ADAMTSL1: variants seen among roughly 807,000 people sequenced by gnomAD.
ADAMTSL1 encodes the protein ADAMTS like 1, also known as ADAMTS-like protein 1.
Under a neutral mutation model 201.8 loss-of-function variants are expected in ADAMTSL1, and 126 were observed. That is an observed-to-expected ratio of 0.62 (90% CI 0.54 to 0.72). The LOEUF (loss-of-function observed/expected upper bound fraction) is 0.72. Among genes scored for constraint, ADAMTSL1 ranks in the 30% least tolerant of loss-of-function variants. The pLI is 0.00. For missense variants in ADAMTSL1, 2,679 were observed against 2,277.8 expected, an observed-to-expected ratio of 1.18 and a Z score of -3.59; for synonymous variants, 1,121 against 903.4, an observed-to-expected ratio of 1.24 and a Z score of -4.32.
upstream of ADAMTSL1, among the ~76,000 whole-genome samples, chr9:18,472,973 C>A (rs559073914): frequency 6.6e-6 from 1 of 152,324 alleles, no homozygotes; most frequent in South Asian, 2.1e-4. Context: ...AGAGTCAAAT[C>A]TCCCTTGCTG....
chr9:18,591,377 T>A (rs997328341), intron 4 of ADAMTSL1, among the ~76,000 whole-genome samples: 4 of 152,234 alleles, frequency 2.6e-5, no homozygotes, highest in African/African-American at 9.6e-5. Flanking sequence ...GAGTATCTTT[T>A]CCCATCCCTT....
intron 7 of ADAMTSL1, among the ~76,000 whole-genome samples, chr9:18,641,359 A>G (rs553969276): frequency 2.0e-5 from 3 of 152,192 alleles, no homozygotes; most frequent in African/African-American, 7.2e-5. Flanking sequence ...ACTGCTGGAT[A>G]AATAAAGAAT....
chr9:18,241,306 A>G (rs565299283), intron 2 of ADAMTSL1, among the ~76,000 whole-genome samples: 1 of 152,160 alleles, frequency 6.6e-6, no homozygotes, highest in South Asian at 2.1e-4. Context: ...TTCAACGTTC[A>G]ATTATTCTTC....
chr9:18,732,150 A>G (rs1035859652), intron 15 of ADAMTSL1, among the ~76,000 whole-genome samples: 3 of 152,124 alleles, frequency 2.0e-5, no homozygotes, highest in South Asian at 2.1e-4. Context: ...ATTTGCTAAC[A>G]CTCTTACTTT....
intron 1 of ADAMTSL1, among the ~76,000 whole-genome samples, chr9:18,017,512 T>A (rs373308045): frequency 1.3e-5 from 2 of 152,104 alleles, no homozygotes; most frequent in South Asian, 2.1e-4. Context: ...AATTTCCCCC[T>A]CTACTCATGG....
intron 3 of ADAMTSL1, among the ~76,000 whole-genome samples, chr9:18,558,048 C>T (rs1250402572): frequency 1.3e-5 from 2 of 151,962 alleles, no homozygotes; most frequent in South Asian, 2.1e-4. Flanking sequence ...CTGGGATACA[C>T]GTGCAGAACG....
At chr9:18,166,296 G>C (rs1406327221) in intron 2 of ADAMTSL1, among the ~76,000 whole-genome samples, 1 of 151,862 alleles carries the variant, frequency 6.6e-6, no homozygotes, top group Non-Finnish European at 1.5e-5. Flanking sequence ...AATCACAAAT[G>C]AATAGAGAAT....
intron 4 of ADAMTSL1, among the ~76,000 whole-genome samples, chr9:18,602,514 C>G (rs1305316312): frequency 6.6e-6 from 1 of 152,212 alleles, no homozygotes; most frequent in Non-Finnish European, 1.5e-5. Flanking sequence ...GACTGGGCTT[C>G]TAATCTGGTT....
At chr9:18,474,123 G>T, upstream of ADAMTSL1, 1 of 766,228 alleles carries the variant, frequency 1.3e-6, no homozygotes, top group Non-Finnish European at 2.1e-6. Flanking sequence ...GCTGATGGAA[G>T]CTGATAGGCA....
chr9:18,535,785 A>T (rs1470765392), intron 3 of ADAMTSL1, among the ~76,000 whole-genome samples: 1 of 152,194 alleles, frequency 6.6e-6, no homozygotes, highest in African/African-American at 2.4e-5. Flanking sequence ...GAGTGAAGGG[A>T]GAAGCCCCTT....
intron 1 of ADAMTSL1, among the ~76,000 whole-genome samples, chr9:17,951,449 G>A (rs1239670057): frequency 6.6e-6 from 1 of 152,036 alleles, no homozygotes; most frequent in Non-Finnish European, 1.5e-5. Context: ...GCTCTGCAGG[G>A]GAGTTTCTCC....
rs183515042 is a variant in ADAMTSL1 at position 18,621,193 on chromosome 9, C to T, written c.475-1050C>T. On this transcript the variant is annotated intron_variant, in intron 4 of 28. Transcript: ENST00000380548. ...CTTTCCATATTTGATCTAACTAGAACTGTAAGCCATACAACCTGGCATAGT... is the reference window on the plus strand; with the variant it reads ...CTTTCCATATTTGATCTAACTAGAATTGTAAGCCATACAACCTGGCATAGT... 4.6e-5 allele frequency among the ~76,000 whole-genome samples: 7 copies of T among 152,232 alleles called. No homozygotes were observed. In the East Asian group the frequency reaches 1.4e-3, roughly 29 times the overall value.
chr9:18,025,887 A>G (rs540714683), intron 1 of ADAMTSL1, among the ~76,000 whole-genome samples: 1 of 152,178 alleles, frequency 6.6e-6, no homozygotes, highest in Non-Finnish European at 1.5e-5. Flanking sequence ...GTCCAAGAGC[A>G]TGGAATGTTT....
At chr9:18,317,568 C>T (rs1244342581) in intron 2 of ADAMTSL1, among the ~76,000 whole-genome samples, 1 of 152,178 alleles carries the variant, frequency 6.6e-6, no homozygotes, top group Non-Finnish European at 1.5e-5. Context: ...AATTATGCCT[C>T]AGGAAAGTTG....
intron 2 of ADAMTSL1, among the ~76,000 whole-genome samples, chr9:18,411,161 C>T (rs940040235): frequency 9.1e-6 from 1 of 110,166 alleles, no homozygotes; most frequent in African/African-American, 4.5e-5. Flanking sequence ...TGCACCCAGC[C>T]CTTTATTTAT....
chr9:18,897,709 G>T (rs1407113007), intron 26 of ADAMTSL1, among the ~76,000 whole-genome samples: 1 of 152,336 alleles, frequency 6.6e-6, no homozygotes, highest in South Asian at 2.1e-4. Context: ...TCAAAGGTCA[G>T]CAACCTCAAC....
chr9:18,093,343 C>G (rs1824107985), intron 1 of ADAMTSL1, among the ~76,000 whole-genome samples: 2 of 152,174 alleles, frequency 1.3e-5, no homozygotes, highest in South Asian at 4.1e-4. Context: ...GGCTAGTTGA[C>G]TAGCAGATAC....
intron 2 of ADAMTSL1, among the ~76,000 whole-genome samples, chr9:18,340,537 T>G (rs1835426117): frequency 6.6e-6 from 1 of 152,130 alleles, no homozygotes; most frequent in Non-Finnish European, 1.5e-5. Flanking sequence ...CAAGCTCTAT[T>G]AAGTCTATGA....
At chr9:18,483,527 G>T (rs544417508) in intron 1 of ADAMTSL1, among the ~76,000 whole-genome samples, 5 of 152,124 alleles carry the variant, frequency 3.3e-5, no homozygotes, top group Non-Finnish European at 7.3e-5. Flanking sequence ...AAACAATCTT[G>T]AGTTAAAACT....
Sources: gnomAD v4.1 joint callset for allele counts (sites outside exome capture counted in the v4.1 genomes callset) on GRCh38, gnomAD v4.1.1 for gene constraint, MANE v1.5 for transcripts, NCBI Gene and HGNC (gene_info 2026-07-23, HGNC 2026-07-21) for gene names.